NRXN3: variants seen among roughly 807,000 people sequenced by gnomAD.
NRXN3 encodes the protein neurexin III.
NRXN3 carries 32 observed loss-of-function variants against 137.6 expected under a neutral mutation model. The ratio of observed to expected loss-of-function variants is 0.23; its 90% CI spans 0.18 to 0.31. NRXN3 has a LOEUF of 0.31. NRXN3 is among the 10% of genes least tolerant of loss of function. The pLI is 1.00. For missense variants in NRXN3, 1,574 were observed against 2,062.5 expected (o/e 0.76, Z 4.59); for synonymous variants, 798 against 784.5 (o/e 1.02, Z -0.29).
chr14:78,285,561 A>C, intron 3 of NRXN3, among the ~76,000 whole-genome samples: 1 of 152,152 alleles, frequency 6.6e-6, no homozygotes, highest in East Asian at 1.9e-4. Flanking sequence ...TCTCCTAGGG[A>C]GTTCCACTAG....
At position 78,743,273 on chromosome 14, in the gene NRXN3, G is replaced by A. The variant is rs530450646; in HGVS notation, c.2044+28134G>A. ...AGTTATTGCTGACATGGGACAAGATGATCTTTATGCTCTATTTGGTGTTTG... is the reference window on the plus strand; with the variant it reads ...AGTTATTGCTGACATGGGACAAGATAATCTTTATGCTCTATTTGGTGTTTG... On this transcript the variant is annotated intron_variant, in intron 8 of 20. Transcript: ENST00000335750. Among the ~76,000 whole-genome samples the A allele has an allele frequency of 2.0e-5, 3 of 152,290 alleles. No individual in the cohort carries two copies. In the East Asian group the frequency reaches 5.8e-4, roughly 29 times the overall value.
intron 16 of NRXN3, among the ~76,000 whole-genome samples, chr14:79,628,906 G>C (rs1469740834): frequency 6.6e-6 from 1 of 152,140 alleles, no homozygotes; most frequent in Non-Finnish European, 1.5e-5. Flanking sequence ...ATGTACTAAA[G>C]CCAAAGGAAG....
chr14:79,433,334 C>T (rs1026719100), intron 15 of NRXN3, among the ~76,000 whole-genome samples: 1 of 152,098 alleles, frequency 6.6e-6, no homozygotes, highest in African/African-American at 2.4e-5. Context: ...TTGTTCTTGA[C>T]CCCCGCAAGA....
intron 3 of NRXN3, chr14:78,282,015 TGA>T (rs1184846913): frequency 4.9e-6 from 2 of 410,622 alleles, no homozygotes; most frequent in African/African-American, 4.1e-5. Context: ...TGGGGAGTTT[TGA>T]GTTTGCAGGG....
chr14:79,667,683 C>A lies in NRXN3; in HGVS notation c.3616+3734C>A, dbSNP rs374527959. Among the ~76,000 whole-genome samples, 3 of 151,958 alleles carry A rather than the reference C, an allele frequency of 2.0e-5. No individual in the cohort carries two copies. The East Asian group carries it at 5.8e-4, about 29-fold the overall frequency. ...ACCTGAAAATAGAAAAGCTAAGAAA[C>A]AGGAGAGGGAAATAAAAGAAGAATC... is the stretch of plus-strand genomic sequence containing the variant. On this transcript the variant is annotated intron_variant, in intron 17 of 20. Coordinates refer to ENST00000335750, the MANE Select transcript of NRXN3 (RefSeq NM_001330195.2).
intron 18 of NRXN3, among the ~76,000 whole-genome samples, chr14:79,693,067 G>A (rs1179347913): frequency 6.6e-6 from 1 of 151,976 alleles, no homozygotes; most frequent in Admixed American, 6.6e-5. Context: ...TAATAAAAGA[G>A]GGCAGCGGTT....
intron 4 of NRXN3, among the ~76,000 whole-genome samples, chr14:78,596,308 G>A (rs1217646944): frequency 2.0e-5 from 3 of 152,052 alleles, no homozygotes; most frequent in Non-Finnish European, 4.4e-5. Context: ...GAAGGGAGGT[G>A]GAAAGCTTGA....
chr14:78,554,597 C>T (rs1007676808), intron 4 of NRXN3, among the ~76,000 whole-genome samples: 21 of 152,194 alleles, frequency 1.4e-4, no homozygotes, highest in Admixed American at 1.4e-3. Context: ...ATGACTTTTA[C>T]ACTTTTTGTC....
chr14:79,509,532 A>T (rs11627744), intron 16 of NRXN3, among the ~76,000 whole-genome samples: 1 of 124,006 alleles, frequency 8.1e-6, no homozygotes, highest in African/African-American at 3.3e-5. Context: ...ATATATATAT[A>T]TTATATATAT....
At chr14:78,401,093 G>T (rs1266948110) in intron 4 of NRXN3, among the ~76,000 whole-genome samples, 1 of 152,152 alleles carries the variant, frequency 6.6e-6, no homozygotes, top group Non-Finnish European at 1.5e-5. Flanking sequence ...CACGGTAAAA[G>T]GTGGAAAAGC....
chr14:79,038,828 C>A (rs2152522527), intron 15 of NRXN3, among the ~76,000 whole-genome samples: 1 of 152,200 alleles, frequency 6.6e-6, no homozygotes, highest in East Asian at 1.9e-4. Context: ...CCCTCGCTAC[C>A]TGGCCTTTCG....
chr14:79,758,130 C>A (rs1158708344), intron 19 of NRXN3, among the ~76,000 whole-genome samples: 1 of 152,124 alleles, frequency 6.6e-6, no homozygotes, highest in Non-Finnish European at 1.5e-5. Context: ...GCAAGTTTAA[C>A]AAATTGTCTT....
At chr14:79,559,669 G>A (rs1286169075) in intron 16 of NRXN3, among the ~76,000 whole-genome samples, 1 of 152,106 alleles carries the variant, frequency 6.6e-6, no homozygotes, top group African/African-American at 2.4e-5. Context: ...AAATAGTGTG[G>A]ATAGATTTAG....
At chr14:79,597,895 A>G (rs1203109715) in intron 16 of NRXN3, among the ~76,000 whole-genome samples, 1 of 152,208 alleles carries the variant, frequency 6.6e-6, no homozygotes, top group Non-Finnish European at 1.5e-5. Context: ...TAAACCAGGC[A>G]GATTAACCTC....
At chr14:78,613,315 A>G (rs1601365767) in intron 4 of NRXN3, among the ~76,000 whole-genome samples, 2 of 152,170 alleles carry the variant, frequency 1.3e-5, no homozygotes, top group East Asian at 3.8e-4. Context: ...GGAAATAAGT[A>G]CTCTCAGGAT....
At chr14:78,476,174 A>C (rs1267301581) in intron 4 of NRXN3, among the ~76,000 whole-genome samples, 1 of 152,260 alleles carries the variant, frequency 6.6e-6, no homozygotes, top group Non-Finnish European at 1.5e-5. Context: ...TACAGTGATA[A>C]GACAAGTTTT....
intron 16 of NRXN3, among the ~76,000 whole-genome samples, chr14:79,525,880 C>A (rs1339889642): frequency 6.6e-6 from 1 of 152,058 alleles, no homozygotes; most frequent in South Asian, 2.1e-4. Flanking sequence ...GAGCTTTCTA[C>A]CTTTTTATTT....
intron 16 of NRXN3, among the ~76,000 whole-genome samples, chr14:79,518,433 T>A (rs2097020751): frequency 6.6e-6 from 1 of 152,086 alleles, no homozygotes; most frequent in Non-Finnish European, 1.5e-5. Flanking sequence ...CATATTTTGT[T>A]AGGTTTATCT....
intron 16 of NRXN3, among the ~76,000 whole-genome samples, chr14:79,530,182 C>G (rs1045146035): frequency 1.3e-5 from 2 of 151,962 alleles, no homozygotes; most frequent in Non-Finnish European, 2.9e-5. Context: ...GACATTTGCC[C>G]AGAGTCCCCA....
Sources: allele counts gnomAD v4.1 joint callset (sites outside exome capture counted in the v4.1 genomes callset), GRCh38; gene constraint gnomAD v4.1.1; transcripts MANE v1.5; gene names NCBI Gene and HGNC (gene_info 2026-07-23, HGNC 2026-07-21).